Variants in PITPNM2 observed in about 807,000 individuals in gnomAD.
PITPNM2 encodes phosphatidylinositol transfer protein membrane associated 2.
A neutral mutation model predicts 132.2 loss-of-function variants in PITPNM2; 35 were observed. The observed-to-expected ratio is 0.26, with a 90% confidence interval of 0.20 to 0.35. The LOEUF is 0.35. PITPNM2 is among the 10% of genes least tolerant of loss of function. The pLI, the probability that PITPNM2 is intolerant of heterozygous loss-of-function variation, is 1.00. For missense variants in PITPNM2, 1,332 were observed against 1,912.0 expected (o/e 0.70, Z 5.66); for synonymous variants, 738 against 799.2 (o/e 0.92, Z 1.29).
intron 2 of PITPNM2, chr12:123,088,368 G>A (rs1158280473): frequency 6.6e-6 from 1 of 151,700 alleles, no homozygotes; most frequent in Non-Finnish European, 1.5e-5. Flanking sequence ...TTTTCTTCCT[G>A]GCATTTAGCA....
At chr12:123,011,805 AC>A (rs2039216690) in intron 5 of PITPNM2, among the ~76,000 whole-genome samples, 1 of 152,146 alleles carries the variant, frequency 6.6e-6, no homozygotes. Context: ...AGGGGGAAGA[AC>A]CCACCATGCT....
chr12:123,067,770 G>A (rs2041474812), intron 2 of PITPNM2, among the ~76,000 whole-genome samples: 1 of 152,168 alleles, frequency 6.6e-6, no homozygotes, highest in African/African-American at 2.4e-5. Flanking sequence ...GCAGCCCCAG[G>A]AAACTAGTAC....
rs749710959 is a variant in PITPNM2 at position 122,994,849 on chromosome 12, G to A, written c.2185C>T (p.Leu729=). The A allele has an allele frequency of 1.9e-6, 3 of 1,611,874 alleles. No homozygotes were observed. In the South Asian group the frequency reaches 3.3e-5, roughly 18 times the overall value. The stretch of plus-strand genomic sequence containing the variant: ...TTCCTCAAGGCCAGGACCAGCCCCA[G>A]CGGGCACCCGAAGAGGAAGAGGTCG... ...ITDLFLFGCP[L]GLVLALRKTV... is the part of the protein sequence containing the mutation. The change falls in exon 15 of 26, where the codon CTG becomes TTG. Residue 729 remains leucine (L), a synonymous_variant. Transcript: ENST00000320201. This position sits in a 1 kb window ranked among gnomAD's most constrained non-coding sequence, Gnocchi z 5.4.
intron 1 of PITPNM2, among the ~76,000 whole-genome samples, chr12:123,122,334 C>T (rs1316070439): frequency 9.2e-5 from 14 of 152,010 alleles, no homozygotes; most frequent in African/African-American, 3.1e-4. Flanking sequence ...TGGTGACACA[C>T]GCCTGTAGTC....
chr12:123,094,216 G>A (rs191244373), intron 2 of PITPNM2, among the ~76,000 whole-genome samples: 248 of 152,356 alleles, frequency 1.6e-3, no homozygotes, highest in African/African-American at 5.7e-3. Context: ...CACCAGTACA[G>A]GGCTGGCTGT....
At chr12:123,028,029 C>T (rs983363275) in intron 3 of PITPNM2, among the ~76,000 whole-genome samples, 4 of 152,200 alleles carry the variant, frequency 2.6e-5, no homozygotes, top group East Asian at 1.9e-4. Flanking sequence ...TCAGAGACAG[C>T]GGCAGTTGGA....
chr12:123,088,740 G>C (rs1304128175), intron 2 of PITPNM2: 1 of 152,204 alleles, frequency 6.6e-6, no homozygotes, highest in Non-Finnish European at 1.5e-5. Flanking sequence ...TTGTTGGGGG[G>C]AGAGGGACAA....
chr12:123,115,520 G>GA (rs2042918905), intron 1 of PITPNM2, among the ~76,000 whole-genome samples: 1 of 151,928 alleles, frequency 6.6e-6, no homozygotes, highest in Admixed American at 6.6e-5. Flanking sequence ...TTGATGGAGG[G>GA]AAAAAACCCA....
At chr12:123,028,406 T>C (rs1176988961) in intron 3 of PITPNM2, among the ~76,000 whole-genome samples, 1 of 152,160 alleles carries the variant, frequency 6.6e-6, no homozygotes, top group African/African-American at 2.4e-5. Context: ...AAGTGGGAAA[T>C]GATGAACTAA....
chr12:123,058,127 AT>A lies in PITPNM2; in HGVS notation c.-95-23443del, dbSNP rs2041104572. Among the ~76,000 whole-genome samples, 1 of 152,166 alleles carries A rather than the reference AT, an allele frequency of 6.6e-6. No individual in the cohort carries two copies. Among genetic ancestry groups the A allele is most frequent in the Non-Finnish European group, 1.5e-5 (1 of 68,036 alleles). ...CGTTCTTCACTTCTTCTTTTTGGGC[AT>A]TTTGTCGGAAGGATAAACCAAGGCC... is the stretch of plus-strand genomic sequence containing the variant. On this transcript the variant is annotated intron_variant, in intron 2 of 25. Transcript: ENST00000320201. The surrounding 1 kb of genome is among the most constrained non-coding windows in gnomAD (Gnocchi z 4.0).
At position 123,000,699 on chromosome 12, in the gene PITPNM2, A is replaced by G; in HGVS notation, c.1224+79T>C. The G allele has an allele frequency of 2.0e-6, 3 of 1,470,138 alleles. No individual in the cohort carries two copies. In the Admixed American group the frequency reaches 5.6e-5, roughly 28 times the overall value. The allele number at this position is 1,470,138 out of a possible 1,614,324, so 91.1% of individuals were successfully genotyped here. A position where few individuals can be genotyped will look rare whatever the true frequency, so the allele number is the denominator to read the frequency against. On this transcript the variant is annotated intron_variant, in intron 10 of 25. Coordinates refer to ENST00000320201, the MANE Select transcript of PITPNM2 (RefSeq NM_020845.3). This position sits in a 1 kb window ranked among gnomAD's most constrained non-coding sequence, Gnocchi z 5.4. ...GCCAGGCCCAGAGTTCCACCTCTGT[A>G]ACCCCTCAGACTATTCCTCTGCACC...
chr12:122,992,426 G>T lies in PITPNM2; in HGVS notation c.2404+73C>A. ...ACCTGGGGAAGAACCACGTAGCATG[G>T]AGGACCTAGGAGCCAGGGAGCCACG... On this transcript the variant is annotated intron_variant, in intron 16 of 25. Coordinates refer to ENST00000320201, the MANE Select transcript of PITPNM2 (RefSeq NM_020845.3). This position sits in a 1 kb window ranked among gnomAD's most constrained non-coding sequence, Gnocchi z 6.5. The T allele has an allele frequency of 6.6e-7, 1 of 1,510,852 alleles. No individual in the cohort carries two copies. Among genetic ancestry groups the T allele is most frequent in the South Asian group, 1.3e-5 (1 of 78,662 alleles). The allele number at this position is 1,510,852 out of a possible 1,614,324, so 93.6% of individuals were successfully genotyped here.
chr12:122,989,194 C>T (rs1162034585), intron 18 of PITPNM2, among the ~76,000 whole-genome samples: 1 of 152,170 alleles, frequency 6.6e-6, no homozygotes. Flanking sequence ...CCGTGGCAAC[C>T]CCATCTCTGC....
rs1220183744 is a variant in PITPNM2, at chr12:123,023,634, A to G, written c.79-9592T>C. On this transcript the variant is annotated intron_variant, in intron 3 of 25. Coordinates refer to ENST00000320201, the MANE Select transcript of PITPNM2 (RefSeq NM_020845.3). The surrounding 1 kb of genome is among the most constrained non-coding windows in gnomAD (Gnocchi z 4.8). ...TCTCACTGGCTGCTGCCAACAGCTCATTAAAAACACGTTCTCCTAAATGTA... is the reference window on the plus strand; with the variant it reads ...TCTCACTGGCTGCTGCCAACAGCTCGTTAAAAACACGTTCTCCTAAATGTA... Among the ~76,000 whole-genome samples the G allele has an allele frequency of 6.6e-6, 1 of 152,198 alleles. No individual in the cohort carries two copies. Among genetic ancestry groups the G allele is most frequent in the African/African-American group, 2.4e-5 (1 of 41,462 alleles).
intron 6 of PITPNM2, among the ~76,000 whole-genome samples, chr12:123,006,629 C>T (rs929062628): frequency 5.9e-5 from 9 of 151,312 alleles, no homozygotes; most frequent in African/African-American, 2.2e-4. Flanking sequence ...GGGGGGATCG[C>T]TTGAGCCCAG....
At chr12:123,010,207 G>A in intron 5 of PITPNM2, 130 bp from the exon 6 acceptor site, 7 of 729,970 alleles carry the variant, frequency 9.6e-6, no homozygotes, top group Middle Eastern at 3.6e-4. Flanking sequence ...CCCTGGGAGT[G>A]AGGATCATGT....
At chr12:123,070,807 C>G (rs1207231929) in intron 2 of PITPNM2, among the ~76,000 whole-genome samples, 1 of 152,220 alleles carries the variant, frequency 6.6e-6, no homozygotes, top group East Asian at 1.9e-4. Context: ...GTGGGGGCAG[C>G]CCTAAGGGCC....
chr12:123,028,787 G>A (rs1296596951), intron 3 of PITPNM2, among the ~76,000 whole-genome samples: 1 of 152,224 alleles, frequency 6.6e-6, no homozygotes, highest in African/African-American at 2.4e-5. Flanking sequence ...AGCGGGCACA[G>A]ACGGGCAGGT....
intron 2 of PITPNM2, among the ~76,000 whole-genome samples, chr12:123,052,480 C>T (rs1592975674): frequency 6.6e-6 from 1 of 152,108 alleles, no homozygotes; most frequent in Non-Finnish European, 1.5e-5. Flanking sequence ...ATTAGCTGGG[C>T]ATGGTGGCGC....
Sources: allele counts gnomAD v4.1 joint callset (sites outside exome capture counted in the v4.1 genomes callset), GRCh38; gene constraint gnomAD v4.1.1; non-coding constraint Gnocchi (gnomAD v3.1); transcripts MANE v1.5; gene names NCBI Gene and HGNC (gene_info 2026-07-23, HGNC 2026-07-21).